Variants in C8orf34 observed in about 807,000 individuals in gnomAD.
C8orf34 encodes chromosome 8 open reading frame 34.
Under a neutral mutation model 68.3 loss-of-function variants are expected in C8orf34, and 65 were observed. The observed-to-expected ratio is 0.95, with a 90% confidence interval of 0.78 to 1.17. C8orf34 has a LOEUF of 1.17. C8orf34 is among the 50% of genes most tolerant of loss of function. C8orf34 has a pLI of 0.00. For missense variants in C8orf34, 664 were observed against 655.4 expected, an observed-to-expected ratio of 1.01 and a Z score of -0.14; for synonymous variants, 244 against 241.2, an observed-to-expected ratio of 1.01 and a Z score of -0.11.
In C8orf34 at chr8:68,644,355, A is replaced by G. The variant is rs10092390; in HGVS notation, c.1241+3844A>G. Among the ~76,000 whole-genome samples, 281 of 152,290 alleles carry G rather than the reference A, an allele frequency of 1.8e-3. 2 individuals are homozygous for G. Among genetic ancestry groups the G allele is most frequent in the African/African-American group, 6.5e-3 (270 of 41,566 alleles). On this transcript the variant is annotated intron_variant, in intron 8 of 13. Transcript: ENST00000518698. ...GAAAGTTTACCTGGGCATGGTGTCA[A>G]TTCCTAGTCTCCCTCTCCTGTGATA...
rs896421101 is a variant in C8orf34 at position 68,339,231 on chromosome 8, G to A, written c.327+7892G>A. ...GACATCTTAACAACTTTTAGTCTACGTAGAAAATTAGAGGGTATCTACAAA... is the reference window on the plus strand; with the variant it reads ...GACATCTTAACAACTTTTAGTCTACATAGAAAATTAGAGGGTATCTACAAA... On this transcript the variant is annotated intron_variant, in intron 1 of 13. Transcript: ENST00000518698. 7.3e-5 allele frequency among the ~76,000 whole-genome samples: 11 copies of A among 151,702 alleles called. No homozygotes were observed. In the East Asian group the frequency reaches 1.3e-3, roughly 19 times the overall value.
intron 1 of C8orf34, among the ~76,000 whole-genome samples, chr8:68,353,244 A>C (rs1806590723): frequency 6.6e-6 from 1 of 151,960 alleles, no homozygotes; most frequent in Non-Finnish European, 1.5e-5. Context: ...GTGGCCTTGG[A>C]CCTAAACAAT....
intron 6 of C8orf34, among the ~76,000 whole-genome samples, chr8:68,529,827 T>A (rs1203742442): frequency 2.0e-5 from 3 of 152,140 alleles, no homozygotes; most frequent in African/African-American, 7.2e-5. Flanking sequence ...TCATATAAAA[T>A]AACATTTCAA....
intron 1 of C8orf34, among the ~76,000 whole-genome samples, chr8:68,350,757 T>C (rs1335158051): frequency 3.9e-5 from 6 of 152,054 alleles, no homozygotes. Flanking sequence ...TTGTCTGAAA[T>C]CTGTTTTGTC....
intron 8 of C8orf34, among the ~76,000 whole-genome samples, chr8:68,677,129 G>C (rs1246530127): frequency 6.6e-6 from 1 of 152,172 alleles, no homozygotes. Context: ...GACGAATTTT[G>C]GAACCTATAC....
At chr8:68,385,960 C>T (rs1294685642) in intron 1 of C8orf34, among the ~76,000 whole-genome samples, 2 of 152,232 alleles carry the variant, frequency 1.3e-5, no homozygotes, top group East Asian at 1.9e-4. Context: ...AGTGTAGTGG[C>T]GTGGTAATAG....
intron 8 of C8orf34, among the ~76,000 whole-genome samples, chr8:68,684,093 G>A (rs1360945198): frequency 6.6e-6 from 1 of 152,116 alleles, no homozygotes; most frequent in Non-Finnish European, 1.5e-5. Context: ...CCTCTATCTT[G>A]TTTGTTCTAC....
chr8:68,442,708 A>C (rs1408973553), intron 2 of C8orf34, among the ~76,000 whole-genome samples: 2 of 152,200 alleles, frequency 1.3e-5, no homozygotes, highest in African/African-American at 2.4e-5. Flanking sequence ...ATTATGAGAA[A>C]ATCCTGTGGG....
chr8:68,404,978 A>G (rs1563410745), intron 1 of C8orf34, among the ~76,000 whole-genome samples: 1 of 152,182 alleles, frequency 6.6e-6, no homozygotes, highest in African/African-American at 2.4e-5. Flanking sequence ...TTTTCACAAT[A>G]TAGATTCTTC....
At chr8:68,743,678 G>T (rs1266926402) in intron 10 of C8orf34, among the ~76,000 whole-genome samples, 1 of 152,248 alleles carries the variant, frequency 6.6e-6, no homozygotes, top group Non-Finnish European at 1.5e-5. Flanking sequence ...TTCCCGACGG[G>T]CTTAAAAAAT....
At chr8:68,364,845 C>A (rs530249742) in intron 1 of C8orf34, among the ~76,000 whole-genome samples, 1 of 151,692 alleles carries the variant, frequency 6.6e-6, no homozygotes, top group Non-Finnish European at 1.5e-5. Context: ...ACTAGAAAAG[C>A]AAGAGCAAAC....
chr8:68,731,367 A>C (rs151247565), intron 10 of C8orf34, among the ~76,000 whole-genome samples: 1 of 152,210 alleles, frequency 6.6e-6, no homozygotes, highest in Non-Finnish European at 1.5e-5. Flanking sequence ...TGACTCAAAC[A>C]AACCAAAAAA....
chr8:68,393,672 A>G (rs1242265140), intron 1 of C8orf34, among the ~76,000 whole-genome samples: 1 of 152,190 alleles, frequency 6.6e-6, no homozygotes, highest in East Asian at 1.9e-4. Flanking sequence ...CTGACAAGCG[A>G]TGAAATTAGA....
At chr8:68,367,899 TAAAAA>T (rs1377295258) in intron 1 of C8orf34, among the ~76,000 whole-genome samples, 6 of 8,274 alleles carry the variant, frequency 7.3e-4, no homozygotes, top group South Asian at 6.8e-3. Context: ...TAAAGTATAA[TAAAAA>T]AAGAAAAGAA....
chr8:68,491,707 A>C (rs1813320346), intron 5 of C8orf34, among the ~76,000 whole-genome samples: 1 of 152,228 alleles, frequency 6.6e-6, no homozygotes, highest in Non-Finnish European at 1.5e-5. Context: ...TGCAAATGTA[A>C]TTATGAAACT....
intron 7 of C8orf34, among the ~76,000 whole-genome samples, chr8:68,632,663 G>A (rs1326044653): frequency 6.6e-6 from 1 of 152,044 alleles, no homozygotes; most frequent in Non-Finnish European, 1.5e-5. Flanking sequence ...TGGTTTTATG[G>A]GTCAGGCCAG....
chr8:68,732,350 G>A (rs768167963), intron 10 of C8orf34, among the ~76,000 whole-genome samples: 3 of 152,048 alleles, frequency 2.0e-5, no homozygotes, highest in South Asian at 4.2e-4. Flanking sequence ...TTTTGTCCTT[G>A]AAGTTGGATT....
chr8:68,398,049 G>A (rs985594109), intron 1 of C8orf34, among the ~76,000 whole-genome samples: 11 of 152,076 alleles, frequency 7.2e-5, no homozygotes, highest in African/African-American at 2.2e-4. Flanking sequence ...GATTACAAGC[G>A]TGAGCCACTG....
At chr8:68,442,252 G>T (rs369011371) in intron 2 of C8orf34, among the ~76,000 whole-genome samples, 1 of 151,816 alleles carries the variant, frequency 6.6e-6, no homozygotes, top group East Asian at 1.9e-4. Context: ...CAAGAGAAAG[G>T]AAAAAAGAGT....
Sources: allele counts gnomAD v4.1 joint callset (sites outside exome capture counted in the v4.1 genomes callset), GRCh38; gene constraint gnomAD v4.1.1; transcripts MANE v1.5; gene names NCBI Gene and HGNC (gene_info 2026-07-23, HGNC 2026-07-21).